NRDC: variants seen among roughly 807,000 people sequenced by gnomAD.
The protein encoded by NRDC is nardilysin.
NRDC carries 54 observed loss-of-function variants against 147.1 expected under a neutral mutation model. The ratio of observed to expected loss-of-function variants is 0.37; its 90% confidence interval spans 0.29 to 0.46. The LOEUF (loss-of-function observed/expected upper bound fraction) is 0.46. Among genes scored for constraint, NRDC ranks in the 20% least tolerant of loss-of-function variants. The pLI, the probability that NRDC is intolerant of heterozygous loss-of-function variation, is 1.00. For synonymous variants in NRDC, 440 were observed against 482.1 expected, an observed-to-expected ratio of 0.91 and a Z score of 1.14; for missense variants, 1,082 against 1,370.6, an observed-to-expected ratio of 0.79 and a Z score of 3.33.
Position 51,837,534 on chromosome 1 carries a change from C to A in NRDC, c.631-1322G>T, listed in dbSNP as rs765708418. On this transcript the variant is annotated intron_variant, in intron 2 of 30. Transcript: ENST00000352171. ...CATAAAGATTTCTTGTCTCGACCAG[C>A]AGGGTTGAAGACATTTTTGAATAAG... 3.1e-6 allele frequency: 5 copies of A among 1,590,518 alleles called. No homozygotes were observed. The South Asian group carries it at 3.4e-5, about 11-fold the overall frequency.
At chr1:51,865,234 T>C (rs1003239110) in intron 1 of NRDC, among the ~76,000 whole-genome samples, 1 of 151,588 alleles carries the variant, frequency 6.6e-6, no homozygotes, top group African/African-American at 2.4e-5. Flanking sequence ...GAAATCCTGA[T>C]GTCTACAAAC....
intron 17 of NRDC, among the ~76,000 whole-genome samples, chr1:51,807,588 T>C (rs1679527120): frequency 6.6e-6 from 1 of 151,972 alleles, no homozygotes; most frequent in Non-Finnish European, 1.5e-5. Context: ...GCACCTGTAA[T>C]CCCAGCTACT....
intron 3 of NRDC, 145 bp downstream of exon 3, chr1:51,835,986 A>G: frequency 1.5e-6 from 1 of 667,172 alleles, no homozygotes; most frequent in Admixed American, 2.8e-5. Flanking sequence ...CACGATATTC[A>G]TAAATCAAGG....
At chr1:51,876,745 G>A (rs1683346824) in intron 1 of NRDC, among the ~76,000 whole-genome samples, 1 of 152,198 alleles carries the variant, frequency 6.6e-6, no homozygotes, top group South Asian at 2.1e-4. Context: ...CCTGAACTTG[G>A]AGCTAAGTGT....
intron 1 of NRDC, among the ~76,000 whole-genome samples, chr1:51,861,047 T>G (rs549469627): frequency 1.2e-3 from 183 of 151,374 alleles, no homozygotes; most frequent in Non-Finnish European, 1.5e-3. Context: ...CCTCCCATGG[T>G]GAAGTGATTC....
intron 1 of NRDC, among the ~76,000 whole-genome samples, chr1:51,874,558 G>A (rs1018228264): frequency 2.6e-5 from 4 of 152,082 alleles, no homozygotes; most frequent in Non-Finnish European, 4.4e-5. Context: ...GCAGTGAGCC[G>A]TGATGGCGCC....
At chr1:51,846,233 C>T (rs539517924) in intron 1 of NRDC, among the ~76,000 whole-genome samples, 2 of 152,150 alleles carry the variant, frequency 1.3e-5, no homozygotes, top group South Asian at 4.1e-4. Context: ...CTGCCTTAAG[C>T]TCCCGGGTAG....
intron 4 of NRDC, among the ~76,000 whole-genome samples, chr1:51,832,796 T>C (rs1680777566): frequency 6.6e-6 from 1 of 152,134 alleles, no homozygotes; most frequent in Non-Finnish European, 1.5e-5. Flanking sequence ...GCAATTTCAC[T>C]GCTTAGAACT....
chr1:51,861,265 CT>C lies in NRDC; in HGVS notation c.341+17009del, dbSNP rs71063057. Among the ~76,000 whole-genome samples the C allele has an allele frequency of 5.5e-3, 590 of 108,064 alleles. 3 individuals carry two copies. The highest frequency in any genetic ancestry group is 0.019 in the African/African-American group (523 of 27,698). 70.9% of individuals were successfully genotyped at this position (108,064 alleles called of 152,430 possible). A position where few individuals can be genotyped will look rare whatever the true frequency, so the allele number is the denominator to read the frequency against. On this transcript the variant is annotated intron_variant, in intron 1 of 30. Transcript: ENST00000352171. The stretch of plus-strand genomic sequence containing the variant: ...GCACCCGGCTGCCCAAGTGGTATTA[CT>C]TTTTTTTTTTTTTTTTTTGAGACAG...
intron 2 of NRDC, chr1:51,837,395 T>G: frequency 8.1e-7 from 1 of 1,239,272 alleles, no homozygotes. Flanking sequence ...TTTGAAGACT[T>G]AGGCACATAA....
chr1:51,835,108 T>C (rs1418015792), intron 3 of NRDC, among the ~76,000 whole-genome samples: 2 of 152,128 alleles, frequency 1.3e-5, no homozygotes, highest in Admixed American at 6.6e-5. Context: ...GTCACCCAGG[T>C]TGGAGTGCAA....
chr1:51,824,637 A>G (rs1680363439), intron 6 of NRDC, among the ~76,000 whole-genome samples: 1 of 152,206 alleles, frequency 6.6e-6, no homozygotes, highest in African/African-American at 2.4e-5. Flanking sequence ...CACCAGTTAA[A>G]CAGTTTACTA....
At chr1:51,793,827 G>A (rs891530537) in intron 24 of NRDC, 7 of 152,274 alleles carry the variant, frequency 4.6e-5, no homozygotes, top group African/African-American at 1.2e-4. Context: ...GAAGATCCCC[G>A]TGGTTCTAGA....
At chr1:51,817,764 G>A (rs562343325) in intron 10 of NRDC, among the ~76,000 whole-genome samples, 1 of 152,060 alleles carries the variant, frequency 6.6e-6, no homozygotes, top group Non-Finnish European at 1.5e-5. Flanking sequence ...AGTCTGCCAG[G>A]CCCAAATTAT....
chr1:51,823,622 C>A (rs201163267), intron 7 of NRDC, 42 bp downstream of exon 7: 1 of 1,531,592 alleles, frequency 6.5e-7, no homozygotes, highest in Admixed American at 1.9e-5. Flanking sequence ...CCTAAGAAAG[C>A]GCTACTTCAA....
chr1:51,854,188 G>A (rs1018234609), intron 1 of NRDC, among the ~76,000 whole-genome samples: 3 of 151,884 alleles, frequency 2.0e-5, no homozygotes, highest in Non-Finnish European at 2.9e-5. Flanking sequence ...GCTAATATGA[G>A]GAAACTCTGT....
intron 20 of NRDC, chr1:51,800,929 C>T (rs559754551): frequency 2.6e-5 from 10 of 383,908 alleles, no homozygotes; most frequent in Admixed American, 1.3e-4. Flanking sequence ...ATTATAACCT[C>T]GAATGCCTAG....
At chr1:51,803,574 G>C (rs1679314804) in intron 20 of NRDC, among the ~76,000 whole-genome samples, 1 of 152,040 alleles carries the variant, frequency 6.6e-6, no homozygotes, top group Non-Finnish European at 1.5e-5. Flanking sequence ...ACAGCAAAGG[G>C]AAGTGAAATC....
chr1:51,805,892 C>A (rs935556308), intron 18 of NRDC, among the ~76,000 whole-genome samples: 2 of 152,160 alleles, frequency 1.3e-5, no homozygotes, highest in African/African-American at 2.4e-5. Context: ...CTCCAGCATT[C>A]ACACAAATTT....
Sources: allele counts gnomAD v4.1 joint callset (sites outside exome capture counted in the v4.1 genomes callset), GRCh38; gene constraint gnomAD v4.1.1; transcripts MANE v1.5; gene names NCBI Gene and HGNC (gene_info 2026-07-23, HGNC 2026-07-21).